The following KCTD8 variants were observed in gnomAD, a reference collection of about 807,000 sequenced individuals.
KCTD8 encodes BTB/POZ domain-containing protein KCTD8.
KCTD8 carries 27 observed loss-of-function variants against 31.5 expected under a neutral mutation model. The ratio of observed to expected loss-of-function variants is 0.86; its 90% CI spans 0.63 to 1.18. The LOEUF (loss-of-function observed/expected upper bound fraction) is 1.18. Among genes scored for constraint, KCTD8 ranks in the 50% most tolerant of loss-of-function variants. The probability of loss-of-function intolerance (pLI) is 0.00; values close to 1 mark genes in which losing one functional copy is unlikely to be tolerated. For synonymous variants in KCTD8, 290 were observed against 280.0 expected (o/e 1.04, Z -0.36); for missense variants, 658 against 647.7 (o/e 1.02, Z -0.17).
chr4:44,369,727 G>T (rs2109435330), intron 1 of KCTD8, among the ~76,000 whole-genome samples: 1 of 152,152 alleles, frequency 6.6e-6, no homozygotes, highest in East Asian at 1.9e-4. Flanking sequence ...CAGCCAGGGG[G>T]GTTGTGGCTG....
intron 1 of KCTD8, among the ~76,000 whole-genome samples, chr4:44,257,957 T>C (rs76713285): frequency 0.053 from 8,105 of 152,032 alleles, 732 homozygotes; most frequent in African/African-American, 0.19. Flanking sequence ...AATAGGAACA[T>C]TGATTAAATT....
At chr4:44,260,362 G>A (rs1404764595) in intron 1 of KCTD8, among the ~76,000 whole-genome samples, 1 of 151,750 alleles carries the variant, frequency 6.6e-6, no homozygotes, top group Non-Finnish European at 1.5e-5. Flanking sequence ...AGCAAAACAG[G>A]AAAAGTGCTT....
intron 1 of KCTD8, among the ~76,000 whole-genome samples, chr4:44,234,564 G>A (rs560919312): frequency 2.6e-4 from 39 of 152,332 alleles, no homozygotes; most frequent in African/African-American, 8.4e-4. Context: ...TAAGCAGAGA[G>A]GAGTGCAGCA....
chr4:44,408,379 T>C (rs1034174517), intron 1 of KCTD8, among the ~76,000 whole-genome samples: 1 of 152,220 alleles, frequency 6.6e-6, no homozygotes, highest in African/African-American at 2.4e-5. Context: ...CATACTTTTA[T>C]AGCTACTTAA....
intron 1 of KCTD8, among the ~76,000 whole-genome samples, chr4:44,209,732 G>C (rs373933300): frequency 1.3e-5 from 2 of 152,158 alleles, no homozygotes; most frequent in South Asian, 2.1e-4. Flanking sequence ...GTTAACATTG[G>C]ATGTGAACAT....
At chr4:44,388,851 A>T (rs965072311) in intron 1 of KCTD8, among the ~76,000 whole-genome samples, 3 of 151,792 alleles carry the variant, frequency 2.0e-5, no homozygotes, top group African/African-American at 7.2e-5. Flanking sequence ...CCTGAACTTA[A>T]AATAAGAGTA....
chr4:44,350,165 A>C (rs552014441), intron 1 of KCTD8, among the ~76,000 whole-genome samples: 1 of 152,242 alleles, frequency 6.6e-6, no homozygotes, highest in South Asian at 2.1e-4. Context: ...ATAATTTTCC[A>C]TCTATTAAAT....
chr4:44,325,819 T>A (rs1295462635), intron 1 of KCTD8, among the ~76,000 whole-genome samples: 1 of 151,920 alleles, frequency 6.6e-6, no homozygotes, highest in African/African-American at 2.4e-5. Context: ...TCTCCTTAAT[T>A]CACAGGGGAT....
At chr4:44,272,121 T>TTATATATA (rs34459205) in intron 1 of KCTD8, among the ~76,000 whole-genome samples, 1 of 142,526 alleles carries the variant, frequency 7.0e-6, no homozygotes, top group African/African-American at 2.7e-5. Context: ...TGGTATTATA[T>TTATATATA]TATATATATA....
chr4:44,373,067 A>C (rs1416852055), intron 1 of KCTD8, among the ~76,000 whole-genome samples: 1 of 152,080 alleles, frequency 6.6e-6, no homozygotes, highest in Non-Finnish European at 1.5e-5. Context: ...TAAGATCCTC[A>C]AAAAAGGTCA....
At chr4:44,369,754 C>A (rs904722052) in intron 1 of KCTD8, among the ~76,000 whole-genome samples, 2 of 152,014 alleles carry the variant, frequency 1.3e-5, no homozygotes, top group Non-Finnish European at 2.9e-5. Flanking sequence ...GCCAAGATTG[C>A]ACCTTTGCAC....
intron 1 of KCTD8, among the ~76,000 whole-genome samples, chr4:44,182,550 G>A (rs1004553587): frequency 6.6e-6 from 1 of 152,060 alleles, no homozygotes; most frequent in Non-Finnish European, 1.5e-5. Context: ...GATTAAGGGC[G>A]GTGCAAGATG....
chr4:44,311,569 G>A (rs1717952341), intron 1 of KCTD8, among the ~76,000 whole-genome samples: 2 of 151,934 alleles, frequency 1.3e-5, no homozygotes, highest in Admixed American at 1.3e-4. Flanking sequence ...CACCCTCCTT[G>A]CCAATCAGAT....
At chr4:44,347,952 T>G (rs1719078271) in intron 1 of KCTD8, among the ~76,000 whole-genome samples, 1 of 152,158 alleles carries the variant, frequency 6.6e-6, no homozygotes, top group South Asian at 2.1e-4. Flanking sequence ...AGTCAGCAAG[T>G]TACCTTCATG....
intron 1 of KCTD8, among the ~76,000 whole-genome samples, chr4:44,443,708 G>A (rs1480674624): frequency 1.3e-5 from 2 of 152,146 alleles, no homozygotes; most frequent in African/African-American, 4.8e-5. Context: ...AAAACTTGAA[G>A]CACTGTTAGA....
chr4:44,294,384 T>G (rs1717370800), intron 1 of KCTD8, among the ~76,000 whole-genome samples: 1 of 152,174 alleles, frequency 6.6e-6, no homozygotes, highest in East Asian at 1.9e-4. Flanking sequence ...CCCAAAGATT[T>G]CATAAATTGA....
chr4:44,299,340 T>C (rs972260034), intron 1 of KCTD8, among the ~76,000 whole-genome samples: 1 of 152,188 alleles, frequency 6.6e-6, no homozygotes, highest in Non-Finnish European at 1.5e-5. Context: ...CCTTCTTCCA[T>C]GTAGCAACAT....
intron 1 of KCTD8, among the ~76,000 whole-genome samples, chr4:44,181,817 G>C (rs1384457513): frequency 1.3e-5 from 2 of 151,266 alleles, no homozygotes; most frequent in African/African-American, 2.4e-5. Context: ...TCTCTGCCCG[G>C]CTGCCCATCG....
At chr4:44,214,206 T>C (rs1012134071) in intron 1 of KCTD8, among the ~76,000 whole-genome samples, 45 of 152,198 alleles carry the variant, frequency 3.0e-4, no homozygotes, top group Non-Finnish European at 1.0e-4. Flanking sequence ...TGTGTATGGA[T>C]GCAATGAAAA....
Sources: gnomAD v4.1 joint callset for allele counts (sites outside exome capture counted in the v4.1 genomes callset) on GRCh38, gnomAD v4.1.1 for gene constraint, MANE v1.5 for transcripts, NCBI Gene and HGNC (gene_info 2026-07-23, HGNC 2026-07-21) for gene names.